The following NXPE1 variants were observed in gnomAD, a reference collection of about 807,000 sequenced individuals.
NXPE1 encodes NXPE family member 1.
In NXPE1, 31 loss-of-function variants were observed where a neutral mutation model predicts 33.3. The ratio of observed to expected loss-of-function variants is 0.93; its 90% CI spans 0.70 to 1.26. The LOEUF (loss-of-function observed/expected upper bound fraction) is 1.26. NXPE1 is among the 50% of genes most tolerant of loss of function. The pLI is 0.00. For synonymous variants in NXPE1, 229 were observed against 231.4 expected (o/e 0.99, Z 0.09); for missense variants, 661 against 655.6 (o/e 1.01, Z -0.09).
intron 5 of NXPE1, among the ~76,000 whole-genome samples, chr11:114,544,683 T>C (rs1948214260): frequency 6.6e-6 from 1 of 152,008 alleles, no homozygotes; most frequent in Non-Finnish European, 1.5e-5. Context: ...TTAGAAATAA[T>C]ATAAAAAGCA....
At chr11:114,540,884 T>G (rs1206958855) in intron 5 of NXPE1, among the ~76,000 whole-genome samples, 1 of 113,546 alleles carries the variant, frequency 8.8e-6, no homozygotes, top group Non-Finnish European at 1.7e-5. Context: ...TTTTTTTTTT[T>G]TGGCTTGAAC....
chr11:114,538,616 G>A (rs556239762), intron 5 of NXPE1, among the ~76,000 whole-genome samples: 17 of 152,230 alleles, frequency 1.1e-4, no homozygotes, highest in East Asian at 3.9e-4. Context: ...AAAAGTGGGC[G>A]AAGGATATGA....
At chr11:114,548,260 A>T (rs1196325091) in intron 5 of NXPE1, among the ~76,000 whole-genome samples, 1 of 152,162 alleles carries the variant, frequency 6.6e-6, no homozygotes, top group Non-Finnish European at 1.5e-5. Context: ...TGACTTATTT[A>T]TAGCATGCCA....
intron 5 of NXPE1, among the ~76,000 whole-genome samples, chr11:114,532,386 A>T (rs1046986690): frequency 2.6e-5 from 4 of 152,174 alleles, no homozygotes; most frequent in Non-Finnish European, 4.4e-5. Context: ...TGGAAAATAT[A>T]AAAAACTTAC....
At chr11:114,549,679 G>A (rs1948407256) in intron 5 of NXPE1, among the ~76,000 whole-genome samples, 2 of 152,036 alleles carry the variant, frequency 1.3e-5, no homozygotes. Context: ...AACAAGACAA[G>A]GATGCCTACT....
At chr11:114,535,531 G>GAAA (rs1947782134) in intron 5 of NXPE1, among the ~76,000 whole-genome samples, 1 of 152,104 alleles carries the variant, frequency 6.6e-6, no homozygotes, top group Non-Finnish European at 1.5e-5. Flanking sequence ...CTGTATTCAG[G>GAAA]AAACCCATCT....
exon 6 of NXPE1, chr11:114,530,179 G>A (rs2134959221): frequency 6.2e-7 from 1 of 1,601,060 alleles, no homozygotes; most frequent in Non-Finnish European, 8.5e-7. Flanking sequence ...ACTCACCTGT[G>A]GAAAAGGCTG....
intron 5 of NXPE1, among the ~76,000 whole-genome samples, chr11:114,540,160 T>C (rs1488479998): frequency 6.6e-6 from 1 of 152,208 alleles, no homozygotes; most frequent in Non-Finnish European, 1.5e-5. Flanking sequence ...TTTCACCATG[T>C]TGGCCAGGCT....
intron 1 of NXPE1, chr11:114,553,763 G>A (rs1287119549): frequency 1.0e-6 from 1 of 985,086 alleles, no homozygotes; most frequent in African/African-American, 1.7e-5. Context: ...ATCCTCACTG[G>A]TAGAGGTGAG....
chr11:114,529,302 C>A (rs1947485524), intron 6 of NXPE1: 1 of 153,030 alleles, frequency 6.5e-6, no homozygotes, highest in Admixed American at 6.5e-5. Flanking sequence ...GTCTCTGGAA[C>A]TGATAGAAGT....
chr11:114,546,455 T>A (rs569738160), intron 5 of NXPE1, among the ~76,000 whole-genome samples: 1 of 139,404 alleles, frequency 7.2e-6, no homozygotes, highest in East Asian at 2.1e-4. Context: ...CATACATATA[T>A]ATATTTTTTC....
intron 5 of NXPE1, among the ~76,000 whole-genome samples, chr11:114,539,199 C>T (rs1442047780): frequency 4.0e-5 from 6 of 150,316 alleles, no homozygotes; most frequent in Admixed American, 6.7e-5. Flanking sequence ...AACCAAATAC[C>T]GCATGTTCTC....
chr11:114,534,540 A>C (rs1444580886), intron 5 of NXPE1, among the ~76,000 whole-genome samples: 2 of 152,216 alleles, frequency 1.3e-5, no homozygotes, highest in African/African-American at 4.8e-5. Context: ...ACTTTGAAAA[A>C]AAATTAGATG....
At chr11:114,544,398 A>G (rs1447847414) in intron 5 of NXPE1, among the ~76,000 whole-genome samples, 1 of 152,238 alleles carries the variant, frequency 6.6e-6, no homozygotes, top group Non-Finnish European at 1.5e-5. Context: ...TCAAGGGAAC[A>G]TAATAGAAAG....
chr11:114,537,433 A>C (rs891297032), intron 5 of NXPE1, among the ~76,000 whole-genome samples: 8 of 152,148 alleles, frequency 5.3e-5, no homozygotes, highest in Non-Finnish European at 1.2e-4. Flanking sequence ...CTGGCCAAGA[A>C]AATGAGGCAG....
chr11:114,531,533 C>G (rs955149957), intron 5 of NXPE1, among the ~76,000 whole-genome samples: 1 of 152,210 alleles, frequency 6.6e-6, no homozygotes, highest in Non-Finnish European at 1.5e-5. Flanking sequence ...CTATTTGTGT[C>G]ATCTCCCAAC....
intron 5 of NXPE1, among the ~76,000 whole-genome samples, chr11:114,536,279 A>C (rs534679223): frequency 4.6e-5 from 7 of 152,358 alleles, no homozygotes; most frequent in African/African-American, 1.4e-4. Context: ...ACATATTCAA[A>C]GCAGTGTGTA....
At chr11:114,530,715 G>T (rs748174335) in exon 6 of NXPE1, 1 of 1,614,088 alleles carries the variant, frequency 6.2e-7, no homozygotes, top group South Asian at 1.1e-5. Context: ...GCTGTGTGTG[G>T]CACTGGTGGT....
chr11:114,547,130 G>C (rs1445756665), intron 5 of NXPE1, among the ~76,000 whole-genome samples: 2 of 152,148 alleles, frequency 1.3e-5, no homozygotes, highest in African/African-American at 4.8e-5. Flanking sequence ...GTACAGTAAA[G>C]AGCAGGGTGG....
Sources: allele counts gnomAD v4.1 joint callset (sites outside exome capture counted in the v4.1 genomes callset), GRCh38; gene constraint gnomAD v4.1.1; transcripts MANE v1.5; gene names NCBI Gene and HGNC (gene_info 2026-07-23, HGNC 2026-07-21).